The following SLC24A3 variants were observed in gnomAD, a reference collection of about 807,000 sequenced individuals.
SLC24A3 encodes sodium/potassium/calcium exchanger 3.
SLC24A3 carries 28 observed loss-of-function variants against 75.8 expected under a neutral mutation model. The ratio of observed to expected loss-of-function variants is 0.37; its 90% CI spans 0.27 to 0.51. The LOEUF is 0.51. Among genes scored for constraint, SLC24A3 ranks in the 20% least tolerant of loss-of-function variants. The pLI, the probability that SLC24A3 is intolerant of heterozygous loss-of-function variation, is 0.94. For missense variants in SLC24A3, 663 were observed against 847.8 expected, an observed-to-expected ratio of 0.78 and a Z score of 2.71; for synonymous variants, 372 against 334.1, an observed-to-expected ratio of 1.11 and a Z score of -1.24.
At position 19,298,861 on chromosome 20, in the gene SLC24A3, G is replaced by A. The variant is rs143162758; in HGVS notation, c.271+17774G>A. Among the ~76,000 whole-genome samples the A allele has an allele frequency of 2.4e-3, 363 of 152,350 alleles. 2 individuals are homozygous for A. The highest frequency in any genetic ancestry group is 8.5e-3 in the African/African-American group (355 of 41,572). Reference sequence around the variant, plus strand: ...CCTCAGAGTTCTCCCTTCAAGGGGTGAGGGAGCTGGGGTATTTATACACCA... The same window carrying A: ...CCTCAGAGTTCTCCCTTCAAGGGGTAAGGGAGCTGGGGTATTTATACACCA... On this transcript the variant is annotated intron_variant, in intron 2 of 16. Transcript: ENST00000328041.
intron 2 of SLC24A3, among the ~76,000 whole-genome samples, chr20:19,488,526 G>C (rs1238293849): frequency 6.6e-6 from 1 of 152,104 alleles, no homozygotes; most frequent in Admixed American, 6.5e-5. Context: ...CAACCTTCTG[G>C]AGGGATAAAA....
At position 19,294,934 on chromosome 20, in the gene SLC24A3, C is replaced by G. The variant is rs183387518; in HGVS notation, c.271+13847C>G. On this transcript the variant is annotated intron_variant, in intron 2 of 16. Coordinates refer to ENST00000328041, the MANE Select transcript of SLC24A3 (RefSeq NM_020689.4). The stretch of plus-strand genomic sequence containing the variant: ...TAAAAGTGTTTCTATTTCTCCACAG[C>G]CTTACCAGCATCTATTTTAACAATA... 5.9e-5 allele frequency among the ~76,000 whole-genome samples: 9 copies of G among 152,272 alleles called. No homozygotes were observed. In the East Asian group the frequency reaches 1.7e-3, roughly 29 times the overall value.
chr20:19,580,544 A>G (rs768479122), intron 4 of SLC24A3, among the ~76,000 whole-genome samples: 5 of 152,068 alleles, frequency 3.3e-5, no homozygotes, highest in Non-Finnish European at 7.3e-5. Context: ...GAAATGCTCC[A>G]AGCGGAAGCA....
intron 1 of SLC24A3, among the ~76,000 whole-genome samples, chr20:19,239,168 A>T (rs1982261246): frequency 6.6e-6 from 1 of 152,054 alleles, no homozygotes; most frequent in African/African-American, 2.4e-5. Flanking sequence ...GTCTTTCCAA[A>T]ATTACTGTGT....
intron 2 of SLC24A3, among the ~76,000 whole-genome samples, chr20:19,414,052 CA>C (rs1986789536): frequency 6.6e-6 from 1 of 152,156 alleles, no homozygotes; most frequent in Non-Finnish European, 1.5e-5. Context: ...GGCAAATCAG[CA>C]TATGATACAA....
At chr20:19,668,979 G>A (rs910523806) in intron 8 of SLC24A3, among the ~76,000 whole-genome samples, 4 of 152,166 alleles carry the variant, frequency 2.6e-5, no homozygotes, top group Non-Finnish European at 4.4e-5. Context: ...CTCTTTGGTC[G>A]CAGAAGGGTC....
chr20:19,445,369 T>C (rs1429540342), intron 2 of SLC24A3, among the ~76,000 whole-genome samples: 3 of 152,326 alleles, frequency 2.0e-5, no homozygotes, highest in East Asian at 1.9e-4. Context: ...GCAGAATTCA[T>C]AGATATCTGG....
intron 2 of SLC24A3, among the ~76,000 whole-genome samples, chr20:19,493,610 A>G (rs1988237413): frequency 6.6e-6 from 1 of 152,220 alleles, no homozygotes; most frequent in Admixed American, 6.5e-5. Flanking sequence ...TGAAGCAGTC[A>G]TCAGATGTCA....
intron 4 of SLC24A3, among the ~76,000 whole-genome samples, chr20:19,583,502 C>G (rs983752553): frequency 6.6e-6 from 1 of 152,050 alleles, no homozygotes. Flanking sequence ...GTCAAGAAGA[C>G]TAGAGTCCTG....
rs2032837390 is a variant in SLC24A3 at position 19,698,548 on chromosome 20, G to A, written c.1607-20G>A. The A allele has an allele frequency of 1.9e-6, 3 of 1,556,240 alleles. No individual in the cohort carries two copies. Among genetic ancestry groups the A allele is most frequent in the African/African-American group, 1.4e-5 (1 of 73,528 alleles). On this transcript the variant is annotated intron_variant, in intron 14 of 16. Transcript: ENST00000328041. ...CCCTGGGTTCCCTTCCCTCTCTTAA[G>A]TGACCTCTTGTCCCTGCAGGGATGG...
Position 19,515,370 on chromosome 20 carries a change from T to C in SLC24A3, c.272-118T>C. ...TGGTTAGTTTTGTGAACTTAAAGATTCAGGATCTTTTTTTCATCCAAGTTC... is the reference window on the plus strand; with the variant it reads ...TGGTTAGTTTTGTGAACTTAAAGATCCAGGATCTTTTTTTCATCCAAGTTC... On this transcript the variant is annotated intron_variant, in intron 2 of 16. Coordinates refer to ENST00000328041, the MANE Select transcript of SLC24A3 (RefSeq NM_020689.4). The C allele has an allele frequency of 4.1e-6, 4 of 973,218 alleles. No individual in the cohort carries two copies. The South Asian group carries it at 5.9e-5, about 14-fold the overall frequency. The allele number at this position is 973,218 out of a possible 1,614,324, so 60.3% of individuals were successfully genotyped here. A position where few individuals can be genotyped will look rare whatever the true frequency, so the allele number is the denominator to read the frequency against.
chr20:19,510,628 C>T (rs1988522048), intron 2 of SLC24A3, among the ~76,000 whole-genome samples: 1 of 152,066 alleles, frequency 6.6e-6, no homozygotes, highest in South Asian at 2.1e-4. Context: ...GAGTGGGACC[C>T]CAATCATGAG....
At chr20:19,668,104 C>A (rs1446053999) in intron 8 of SLC24A3, among the ~76,000 whole-genome samples, 1 of 152,168 alleles carries the variant, frequency 6.6e-6, no homozygotes, top group African/African-American at 2.4e-5. Context: ...CTTGGTGGCA[C>A]CAGAACTACA....
chr20:19,435,490 A>G (rs1425178697), intron 2 of SLC24A3, among the ~76,000 whole-genome samples: 1 of 152,246 alleles, frequency 6.6e-6, no homozygotes, highest in Non-Finnish European at 1.5e-5. Context: ...TCATCTGCCC[A>G]CTAAAATGTT....
chr20:19,549,703 G>C (rs1013941780), intron 3 of SLC24A3, among the ~76,000 whole-genome samples: 1 of 152,170 alleles, frequency 6.6e-6, no homozygotes, highest in Admixed American at 6.5e-5. Flanking sequence ...AGAATTGCTT[G>C]AACCTGGGAG....
intron 2 of SLC24A3, among the ~76,000 whole-genome samples, chr20:19,443,162 G>A (rs1292355142): frequency 6.6e-6 from 1 of 152,030 alleles, no homozygotes; most frequent in Non-Finnish European, 1.5e-5. Context: ...TGGCTCTTCT[G>A]GGTCTTTTGC....
At chr20:19,270,221 C>T (rs190724640) in intron 1 of SLC24A3, among the ~76,000 whole-genome samples, 7 of 152,116 alleles carry the variant, frequency 4.6e-5, no homozygotes, top group Admixed American at 3.3e-4. Flanking sequence ...GTAATTGAGC[C>T]CAGCTGCTCA....
chr20:19,482,231 C>G (rs1423691382), intron 2 of SLC24A3, among the ~76,000 whole-genome samples: 1 of 152,224 alleles, frequency 6.6e-6, no homozygotes, highest in Admixed American at 6.5e-5. Context: ...ACCTGGCCTG[C>G]ATTGTCTGGC....
At chr20:19,375,535 T>C (rs1364657214) in intron 2 of SLC24A3, among the ~76,000 whole-genome samples, 1 of 152,114 alleles carries the variant, frequency 6.6e-6, no homozygotes, top group African/African-American at 2.4e-5. Context: ...TTGTCCCAGA[T>C]AGGTTAAAGC....
Sources: gnomAD v4.1 joint callset for allele counts (sites outside exome capture counted in the v4.1 genomes callset) on GRCh38, gnomAD v4.1.1 for gene constraint, MANE v1.5 for transcripts, NCBI Gene and HGNC (gene_info 2026-07-23, HGNC 2026-07-21) for gene names.